MAP2K5: variants seen among roughly 807,000 people sequenced by gnomAD.
MAP2K5 encodes mitogen-activated protein kinase kinase 5, also known as dual specificity mitogen-activated protein kinase kinase 5.
Under a neutral mutation model 83.1 loss-of-function variants are expected in MAP2K5, and 49 were observed. The ratio of observed to expected loss-of-function variants is 0.59; its 90% confidence interval spans 0.47 to 0.75. The LOEUF is 0.75. MAP2K5 is among the 30% of genes least tolerant of loss of function. The pLI is 0.00. For synonymous variants in MAP2K5, 202 were observed against 191.8 expected, an observed-to-expected ratio of 1.05 and a Z score of -0.44; for missense variants, 457 against 557.5, an observed-to-expected ratio of 0.82 and a Z score of 1.82.
At chr15:67,742,196 A>G (rs2089511098) in intron 17 of MAP2K5, among the ~76,000 whole-genome samples, 1 of 152,212 alleles carries the variant, frequency 6.6e-6, no homozygotes, top group African/African-American at 2.4e-5. Flanking sequence ...CGGCCAAGAA[A>G]GAACTTTGTT....
chr15:67,684,635 C>A (rs544884862), intron 13 of MAP2K5, among the ~76,000 whole-genome samples: 2 of 152,034 alleles, frequency 1.3e-5, no homozygotes, highest in Admixed American at 1.3e-4. Context: ...GAAATAGATG[C>A]CCCCCTCCCA....
rs1322074281 is a variant in MAP2K5 at position 67,559,611 on chromosome 15, T to C, written c.185-3672T>C. Among the ~76,000 whole-genome samples, 1 of 152,256 alleles carries C rather than the reference T, an allele frequency of 6.6e-6. No homozygotes were observed. The highest frequency in any genetic ancestry group is 1.5e-5 in the Non-Finnish European group (1 of 68,050). The stretch of plus-strand genomic sequence containing the variant: ...TATTGGTTTACCATCTGCTGCACTC[T>C]ATTTGGTATCTTGCTAGGATTTTTT... On this transcript the variant is annotated intron_variant, in intron 2 of 21. Coordinates refer to ENST00000178640, the MANE Select transcript of MAP2K5 (RefSeq NM_145160.3). This position sits in a 1 kb window ranked among gnomAD's most constrained non-coding sequence, Gnocchi z 4.7.
intron 11 of MAP2K5, among the ~76,000 whole-genome samples, chr15:67,647,159 A>G (rs1596716279): frequency 6.6e-6 from 1 of 152,290 alleles, no homozygotes; most frequent in East Asian, 1.9e-4. Flanking sequence ...ACTTAAGAAA[A>G]TATTGTTAGT....
chr15:67,566,741 T>C (rs1007837043), intron 3 of MAP2K5, among the ~76,000 whole-genome samples: 1 of 152,260 alleles, frequency 6.6e-6, no homozygotes, highest in Non-Finnish European at 1.5e-5. Flanking sequence ...TTTGGGCCAG[T>C]ACAAGTGTAC....
intron 13 of MAP2K5, among the ~76,000 whole-genome samples, chr15:67,689,708 A>C (rs778028875): frequency 6.6e-6 from 1 of 152,178 alleles, no homozygotes; most frequent in Non-Finnish European, 1.5e-5. Context: ...TGTCTTTTGG[A>C]ATATAGTTTA....
intron 8 of MAP2K5, among the ~76,000 whole-genome samples, chr15:67,620,113 T>A (rs921934153): frequency 6.6e-6 from 1 of 152,194 alleles, no homozygotes; most frequent in East Asian, 1.9e-4. Flanking sequence ...GGCTAACGCC[T>A]GTAATCCCGC....
chr15:67,586,699 A>G (rs2085299150), intron 5 of MAP2K5, 147 bp from the exon 6 acceptor site: 5 of 736,108 alleles, frequency 6.8e-6, no homozygotes, highest in African/African-American at 1.7e-5. Flanking sequence ...TGTAACCTAT[A>G]TACTGAATAG....
At chr15:67,627,890 A>G (rs2086364127) in intron 8 of MAP2K5, 2 of 691,476 alleles carry the variant, frequency 2.9e-6, no homozygotes, top group South Asian at 3.1e-5. Flanking sequence ...TGAACAGCTG[A>G]GGAAGCTCTT....
intron 3 of MAP2K5, among the ~76,000 whole-genome samples, chr15:67,575,931 T>TCTTTCTTTC (rs1596583496): frequency 6.1e-5 from 9 of 146,774 alleles, no homozygotes; most frequent in African/African-American, 2.0e-4. Context: ...TTTTTTTTTT[T>TCTTTCTTTC]TTTTTTAAGA....
chr15:67,752,818 CT>C (rs1046480283), intron 19 of MAP2K5, among the ~76,000 whole-genome samples: 5 of 151,156 alleles, frequency 3.3e-5, no homozygotes, highest in Admixed American at 2.6e-4. Flanking sequence ...TCCCAGTAGG[CT>C]TTTTTGCAGA....
rs2090713608 is a variant in MAP2K5 at position 67,801,920 on chromosome 15, A to G, written c.1243-4726A>G. On this transcript the variant is annotated intron_variant, in intron 21 of 21. Transcript: ENST00000178640. This position sits in a 1 kb window ranked among gnomAD's most constrained non-coding sequence, Gnocchi z 4.8. The stretch of plus-strand genomic sequence containing the variant: ...AAGTATGGGGACCCCAAATAGGTAC[A>G]TTCCTATTTCAGAAGAAGCTCAAAG... Among the ~76,000 whole-genome samples the G allele has an allele frequency of 6.6e-6, 1 of 152,216 alleles. No individual in the cohort carries two copies. Among genetic ancestry groups the G allele is most frequent in the African/African-American group, 2.4e-5 (1 of 41,452 alleles).
chr15:67,656,397 T>C (rs1437457667), intron 11 of MAP2K5, among the ~76,000 whole-genome samples: 1 of 151,488 alleles, frequency 6.6e-6, no homozygotes, highest in East Asian at 1.9e-4. Context: ...CAGTCTCTGC[T>C]CACTGCAACC....
At chr15:67,594,213 G>A (rs1223787848) in intron 7 of MAP2K5, among the ~76,000 whole-genome samples, 1 of 152,068 alleles carries the variant, frequency 6.6e-6, no homozygotes, top group Non-Finnish European at 1.5e-5. Flanking sequence ...AGTATTTATC[G>A]AATACCTTTA....
rs536887249 is a variant in MAP2K5, at chr15:67,562,452, T to C, written c.185-831T>C. ...CAAAAACTACTTTGAATAAGAGAAG[T>C]ATCATGAAATAAATACATTATTTCT... On this transcript the variant is annotated intron_variant, in intron 2 of 21. Transcript: ENST00000178640. The surrounding 1 kb of genome is among the most constrained non-coding windows in gnomAD (Gnocchi z 4.1). Among the ~76,000 whole-genome samples, 4 of 152,242 alleles carry C rather than the reference T, an allele frequency of 2.6e-5. No homozygotes were observed. Among genetic ancestry groups the C allele is most frequent in the South Asian group, 2.1e-4 (1 of 4,832 alleles).
At chr15:67,706,991 C>G (rs2088570217) in intron 16 of MAP2K5, among the ~76,000 whole-genome samples, 1 of 152,202 alleles carries the variant, frequency 6.6e-6, no homozygotes, top group Non-Finnish European at 1.5e-5. Flanking sequence ...TCTCGGCTCA[C>G]TGCAACCTCC....
chr15:67,696,586 T>C, intron 15 of MAP2K5, among the ~76,000 whole-genome samples: 1 of 152,314 alleles, frequency 6.6e-6, no homozygotes, highest in Non-Finnish European at 1.5e-5. Context: ...CACTCTATAA[T>C]GTAGATAAGA....
rs1056332992 is a variant in MAP2K5, at chr15:67,665,874, G to A, written c.847+1229G>A. On this transcript the variant is annotated intron_variant, in intron 13 of 21. Transcript: ENST00000178640. This position sits in a 1 kb window ranked among gnomAD's most constrained non-coding sequence, Gnocchi z 4.2. ...GGATGAAAAAAAATTGAACATTTTT[G>A]ACTACCAAGAGTAAGAGATAACAGT... Among the ~76,000 whole-genome samples the A allele has an allele frequency of 5.9e-5, 9 of 152,048 alleles. No homozygotes were observed. The highest frequency in any genetic ancestry group is 2.2e-4 in the African/African-American group (9 of 41,410).
chr15:67,803,419 T>G (rs2090741729), intron 21 of MAP2K5, among the ~76,000 whole-genome samples: 1 of 152,194 alleles, frequency 6.6e-6, no homozygotes, highest in Non-Finnish European at 1.5e-5. Flanking sequence ...CTTGCTAAAC[T>G]CATGAGGAAT....
At chr15:67,617,093 G>A (rs562719325) in intron 8 of MAP2K5, among the ~76,000 whole-genome samples, 3 of 152,158 alleles carry the variant, frequency 2.0e-5, no homozygotes, top group African/African-American at 7.2e-5. Context: ...ATGCAATTAC[G>A]CTCCAGGTCT....
Sources: gnomAD v4.1 joint callset for allele counts (sites outside exome capture counted in the v4.1 genomes callset) on GRCh38, gnomAD v4.1.1 for gene constraint, Gnocchi (gnomAD v3.1) non-coding constraint, MANE v1.5 for transcripts, NCBI Gene and HGNC (gene_info 2026-07-23, HGNC 2026-07-21) for gene names.